IGSF11: variants seen among roughly 807,000 people sequenced by gnomAD.
IGSF11 encodes immunoglobulin superfamily member 11, also known as CXADR like 1.
A neutral mutation model predicts 41.0 loss-of-function variants in IGSF11; 22 were observed. The ratio of observed to expected loss-of-function variants is 0.54; its 90% CI spans 0.38 to 0.77. The LOEUF (loss-of-function observed/expected upper bound fraction) is 0.77. Ranked by LOEUF, IGSF11 falls within the 30% of genes least tolerant of loss-of-function variation. The probability of loss-of-function intolerance (pLI) is 0.00; values close to 1 mark genes in which losing one functional copy is unlikely to be tolerated. For synonymous variants in IGSF11, 219 were observed against 201.3 expected (o/e 1.09, Z -0.74); for missense variants, 444 against 530.8 (o/e 0.84, Z 1.61).
chr3:119,136,834 G>C (rs2107545459), intron 1 of IGSF11, among the ~76,000 whole-genome samples: 1 of 151,546 alleles, frequency 6.6e-6, no homozygotes, highest in South Asian at 2.1e-4. Flanking sequence ...AAAAACCTCG[G>C]GACTCCACAA....
At chr3:119,063,595 AG>A (rs1942125075) in intron 1 of IGSF11, among the ~76,000 whole-genome samples, 2 of 152,190 alleles carry the variant, frequency 1.3e-5, no homozygotes, top group Non-Finnish European at 2.9e-5. Context: ...ACTTTCTCTT[AG>A]CCAGGCTTCA....
upstream of IGSF11, chr3:119,034,886 A>C (rs1044021402): frequency 3.6e-6 from 4 of 1,116,320 alleles, no homozygotes; most frequent in African/African-American, 1.6e-5. Context: ...ACTCCCCCCA[A>C]CTCACGCCCC....
chr3:119,027,272 C>T (rs1021555083), intron 1 of IGSF11, among the ~76,000 whole-genome samples: 2 of 152,158 alleles, frequency 1.3e-5, no homozygotes, highest in Non-Finnish European at 2.9e-5. Flanking sequence ...ACATTTCAGC[C>T]AGTCTTTAAG....
At chr3:119,055,469 G>A (rs1941793974) in intron 1 of IGSF11, among the ~76,000 whole-genome samples, 1 of 152,196 alleles carries the variant, frequency 6.6e-6, no homozygotes, top group South Asian at 2.1e-4. Flanking sequence ...GATTCATAAA[G>A]CAAGTCCTTA....
In IGSF11 at chr3:118,904,704, A is replaced by G; in HGVS notation, c.798T>C (p.Phe266=). 1 of 1,612,992 alleles carries G rather than the reference A, an allele frequency of 6.2e-7. No homozygotes were observed. ...FCIALILGAF[F]YWRSKNKEEE... is the part of the protein sequence containing the mutation. ...CCTCTTTATTTTTGCTTCTCCAGTA[A>G]AAGAATGCCCCTAAAATTAGTGCAA... Residue 266 remains phenylalanine (F), a synonymous_variant, in exon 6 of 7, where the codon TTT becomes TTC. Coordinates refer to ENST00000393775, the MANE Select transcript of IGSF11 (RefSeq NM_001015887.3).
At chr3:118,905,920 A>C (rs1223183374) in intron 4 of IGSF11, among the ~76,000 whole-genome samples, 2 of 152,156 alleles carry the variant, frequency 1.3e-5, no homozygotes, top group Non-Finnish European at 2.9e-5. Flanking sequence ...GGAACTTTGG[A>C]GCGCTGTCCT....
At chr3:118,993,496 A>C (rs559786659) in intron 1 of IGSF11, among the ~76,000 whole-genome samples, 1 of 152,302 alleles carries the variant, frequency 6.6e-6, no homozygotes, top group East Asian at 1.9e-4. Context: ...AAGCAATTCC[A>C]CCTTTAGTTA....
At chr3:119,045,330 G>C (rs1171121432) in intron 1 of IGSF11, among the ~76,000 whole-genome samples, 5 of 152,252 alleles carry the variant, frequency 3.3e-5, no homozygotes, top group South Asian at 2.1e-4. Context: ...TGCCTCACTT[G>C]GGAAGCGCAA....
At chr3:119,143,801 C>T (rs2077680963) in intron 1 of IGSF11, among the ~76,000 whole-genome samples, 1 of 152,052 alleles carries the variant, frequency 6.6e-6, no homozygotes, top group African/African-American at 2.4e-5. Flanking sequence ...CAAAAGAGAG[C>T]TGGAGCTGCT....
chr3:119,022,901 G>T (rs765444408), intron 1 of IGSF11, among the ~76,000 whole-genome samples: 1 of 152,088 alleles, frequency 6.6e-6, no homozygotes, highest in Non-Finnish European at 1.5e-5. Flanking sequence ...ATTCTGATAT[G>T]CATCAAAAGA....
upstream of IGSF11, among the ~76,000 whole-genome samples, chr3:119,037,181 C>T (rs963197171): frequency 2.0e-5 from 3 of 152,164 alleles, no homozygotes; most frequent in Non-Finnish European, 4.4e-5. Context: ...ATCTGCTTTA[C>T]GACCACAGAA....
At chr3:119,058,478 G>A (rs1022836596) in intron 1 of IGSF11, among the ~76,000 whole-genome samples, 1 of 151,368 alleles carries the variant, frequency 6.6e-6, no homozygotes, top group Non-Finnish European at 1.5e-5. Context: ...GAAACAACAG[G>A]TGCTGGAGAG....
chr3:118,951,851 T>TA (rs1944595236), intron 1 of IGSF11, among the ~76,000 whole-genome samples: 1 of 151,454 alleles, frequency 6.6e-6, no homozygotes, highest in African/African-American at 2.5e-5. Flanking sequence ...TCTATTTGTA[T>TA]GTTTTATCAT....
At chr3:119,140,303 G>C (rs2077626062) in intron 1 of IGSF11, among the ~76,000 whole-genome samples, 1 of 152,132 alleles carries the variant, frequency 6.6e-6, no homozygotes, top group Non-Finnish European at 1.5e-5. Context: ...CATGCATGAA[G>C]TAATCAAAGA....
chr3:119,086,646 A>G (rs1462974775), intron 1 of IGSF11, among the ~76,000 whole-genome samples: 1 of 152,202 alleles, frequency 6.6e-6, no homozygotes, highest in African/African-American at 2.4e-5. Context: ...CCATCCAAGA[A>G]TTTCATATCC....
chr3:118,908,385 TAACAG>T (rs1939871507), intron 4 of IGSF11, among the ~76,000 whole-genome samples: 1 of 152,122 alleles, frequency 6.6e-6, no homozygotes, highest in South Asian at 2.1e-4. Flanking sequence ...GGTACATTGA[TAACAG>T]AAGATTAACC....
chr3:119,083,466 CT>C (rs2076617528), intron 1 of IGSF11, among the ~76,000 whole-genome samples: 1 of 151,198 alleles, frequency 6.6e-6, no homozygotes, highest in South Asian at 2.1e-4. Context: ...AATAACTGAC[CT>C]AATTGATCTA....
intron 1 of IGSF11, among the ~76,000 whole-genome samples, chr3:119,125,547 G>C (rs1012932261): frequency 6.6e-6 from 1 of 152,078 alleles, no homozygotes; most frequent in African/African-American, 2.4e-5. Context: ...CACAAGGGCA[G>C]GGAGGAATCT....
At chr3:119,000,533 T>TC (rs1936713245) in intron 1 of IGSF11, among the ~76,000 whole-genome samples, 1 of 151,970 alleles carries the variant, frequency 6.6e-6, no homozygotes, top group African/African-American at 2.4e-5. Flanking sequence ...TATTCTTTTT[T>TC]TTTTTTCGTA....
Sources: gnomAD v4.1 joint callset for allele counts (sites outside exome capture counted in the v4.1 genomes callset) on GRCh38, gnomAD v4.1.1 for gene constraint, MANE v1.5 for transcripts, NCBI Gene and HGNC (gene_info 2026-07-23, HGNC 2026-07-21) for gene names.